The following ELAVL2 variants were observed in gnomAD, a reference collection of about 807,000 sequenced individuals.
The protein encoded by ELAVL2 is ELAV-like protein 2.
Under a neutral mutation model 34.6 loss-of-function variants are expected in ELAVL2, and 4 were observed. The ratio of observed to expected loss-of-function variants is 0.12; its 90% CI spans 0.06 to 0.26. ELAVL2 has a LOEUF of 0.26. ELAVL2 is among the 10% of genes least tolerant of loss of function. The probability of loss-of-function intolerance (pLI) is 1.00; values close to 1 mark genes in which losing one functional copy is unlikely to be tolerated. For synonymous variants in ELAVL2, 193 were observed against 154.8 expected (o/e 1.25, Z -1.83); for missense variants, 432 against 442.8 (o/e 0.98, Z 0.22).
intron 1 of ELAVL2, among the ~76,000 whole-genome samples, chr9:23,796,926 A>T (rs2061000748): frequency 6.6e-6 from 1 of 152,162 alleles, no homozygotes; most frequent in Non-Finnish European, 1.5e-5. Flanking sequence ...TCCAAATAGT[A>T]AGGATGCATT....
intron 5 of ELAVL2, among the ~76,000 whole-genome samples, chr9:23,697,074 C>T (rs1484131384): frequency 2.0e-5 from 3 of 152,084 alleles, no homozygotes; most frequent in Non-Finnish European, 4.4e-5. Context: ...GCGAGTGGCA[C>T]TCTCTCCTGC....
At chr9:23,703,143 G>T (rs1374483939) in intron 4 of ELAVL2, among the ~76,000 whole-genome samples, 1 of 151,982 alleles carries the variant, frequency 6.6e-6, no homozygotes, top group Non-Finnish European at 1.5e-5. Context: ...TGATACTGCA[G>T]GTGCGGGACA....
At chr9:23,758,253 C>T (rs1488351476) in intron 2 of ELAVL2, among the ~76,000 whole-genome samples, 2 of 152,088 alleles carry the variant, frequency 1.3e-5, no homozygotes, top group Non-Finnish European at 1.5e-5. Context: ...TCTTTCAAAA[C>T]CTTGCTAGAG....
At chr9:23,819,962 G>T (rs1347980974) in intron 1 of ELAVL2, among the ~76,000 whole-genome samples, 1 of 151,998 alleles carries the variant, frequency 6.6e-6, no homozygotes, top group Non-Finnish European at 1.5e-5. Flanking sequence ...CTCCTATAAA[G>T]AAGGCCCCTA....
At chr9:23,838,315 TA>T in the ELAVL2 span, among the ~76,000 whole-genome samples, 3 of 152,124 alleles carry the variant, frequency 2.0e-5, no homozygotes, top group African/African-American at 7.2e-5. Flanking sequence ...GAAAAAACTC[TA>T]CAGCTCAAGC....
At chr9:23,821,756 C>CCCGCGCCGCGCCGCGCCGCGCCGCG (rs367599469) in intron 1 of ELAVL2, 2 of 151,134 alleles carry the variant, frequency 1.3e-5, no homozygotes, top group Non-Finnish European at 3.0e-5. Flanking sequence ...CCCCGCCCCA[C>CCCGCGCCGCGCCGCGCCGCGCCGCG]CCGCGCCGCG....
chr9:23,739,496 ATTTC>A (rs1344255365), intron 2 of ELAVL2, among the ~76,000 whole-genome samples: 1 of 152,022 alleles, frequency 6.6e-6, no homozygotes, highest in Non-Finnish European at 1.5e-5. Flanking sequence ...CAACTTTCTC[ATTTC>A]TTTGTTAATT....
intron 1 of ELAVL2, among the ~76,000 whole-genome samples, chr9:23,800,000 G>A (rs905984567): frequency 6.6e-6 from 1 of 152,164 alleles, no homozygotes; most frequent in Non-Finnish European, 1.5e-5. Flanking sequence ...CCCTATGCAA[G>A]ATTTGAAGAG....
chr9:23,772,169 G>A (rs2057409012), intron 1 of ELAVL2, among the ~76,000 whole-genome samples: 1 of 152,142 alleles, frequency 6.6e-6, no homozygotes, highest in African/African-American at 2.4e-5. Context: ...AAAAGTCACA[G>A]CTATCAGGAA....
intron 1 of ELAVL2, among the ~76,000 whole-genome samples, chr9:23,805,858 C>G (rs903309157): frequency 1.3e-5 from 2 of 152,142 alleles, no homozygotes; most frequent in African/African-American, 2.4e-5. Flanking sequence ...CAGCCAATAT[C>G]TTTTCAATAC....
chr9:23,781,676 C>T (rs944510509), intron 1 of ELAVL2, among the ~76,000 whole-genome samples: 20 of 151,446 alleles, frequency 1.3e-4, no homozygotes, highest in African/African-American at 2.7e-4. Flanking sequence ...CACCACACCC[C>T]GCTAATTTTT....
At chr9:23,780,627 G>T (rs1315166897) in intron 1 of ELAVL2, among the ~76,000 whole-genome samples, 1 of 152,092 alleles carries the variant, frequency 6.6e-6, no homozygotes, top group Admixed American at 6.6e-5. Flanking sequence ...CAAGGTTAAA[G>T]AAATAAGAGT....
intron 1 of ELAVL2, among the ~76,000 whole-genome samples, chr9:23,801,298 CAAAG>C (rs1056664509): frequency 1.3e-5 from 2 of 152,046 alleles, no homozygotes; most frequent in African/African-American, 4.8e-5. Context: ...CTTTTAAACT[CAAAG>C]AAATTTTCTC....
intron 4 of ELAVL2, among the ~76,000 whole-genome samples, chr9:23,702,970 A>AAAAAC (rs2037914649): frequency 1.4e-5 from 2 of 145,996 alleles, no homozygotes; most frequent in Non-Finnish European, 3.0e-5. Flanking sequence ...AAAAAAAAAA[A>AAAAAC]AAAAAAAAAA....
At chr9:23,774,190 C>T (rs906936543) in intron 1 of ELAVL2, among the ~76,000 whole-genome samples, 1 of 104,352 alleles carries the variant, frequency 9.6e-6, no homozygotes, top group African/African-American at 3.8e-5. Context: ...CAAGCCTGGG[C>T]AAAAGTGCGA....
intron 1 of ELAVL2, among the ~76,000 whole-genome samples, chr9:23,823,656 CAT>C (rs2065094145): frequency 6.6e-6 from 1 of 152,196 alleles, no homozygotes; most frequent in African/African-American, 2.4e-5. Context: ...CTTATCTGTT[CAT>C]AGTCTGACAA....
intron 3 of ELAVL2, 22 bp downstream of exon 3, chr9:23,731,000 T>C (rs1193916086): frequency 1.3e-6 from 2 of 1,591,082 alleles, no homozygotes; most frequent in African/African-American, 1.3e-5. Flanking sequence ...CGCAAGTAGA[T>C]ATAAAAAAAC....
At chr9:23,714,856 T>G (rs985224274) in intron 3 of ELAVL2, among the ~76,000 whole-genome samples, 1 of 152,048 alleles carries the variant, frequency 6.6e-6, no homozygotes, top group Non-Finnish European at 1.5e-5. Flanking sequence ...CTATAAAACT[T>G]TCACTTTAGA....
chr9:23,807,747 A>C (rs1201770066), intron 1 of ELAVL2, among the ~76,000 whole-genome samples: 2 of 152,200 alleles, frequency 1.3e-5, no homozygotes, highest in Non-Finnish European at 2.9e-5. Flanking sequence ...AATTTCCGCC[A>C]AGCAAAAAGC....
Sources: gnomAD v4.1 joint callset for allele counts (sites outside exome capture counted in the v4.1 genomes callset) on GRCh38, gnomAD v4.1.1 for gene constraint, MANE v1.5 for transcripts, NCBI Gene and HGNC (gene_info 2026-07-23, HGNC 2026-07-21) for gene names.